The following CEP112 variants were observed in gnomAD, a reference collection of about 807,000 sequenced individuals.
CEP112 encodes the protein centrosomal protein 112.
Under a neutral mutation model 153.0 loss-of-function variants are expected in CEP112, and 127 were observed. The observed-to-expected ratio is 0.83, with a 90% confidence interval of 0.72 to 0.96. The LOEUF is 0.96. Among genes scored for constraint, CEP112 ranks in the 40% least tolerant of loss-of-function variants. The probability of loss-of-function intolerance (pLI) is 0.00; values close to 1 mark genes in which losing one functional copy is unlikely to be tolerated. For missense variants in CEP112, 1,089 were observed against 1,101.2 expected, an observed-to-expected ratio of 0.99 and a Z score of 0.16; for synonymous variants, 358 against 374.4, an observed-to-expected ratio of 0.96 and a Z score of 0.51.
chr17:66,028,282 T>C, intron 15 of CEP112, 31 bp downstream of exon 15: 1 of 1,316,894 alleles, frequency 7.6e-7, no homozygotes, highest in Non-Finnish European at 1.1e-6. Context: ...TGTTTGACCA[T>C]TGTTCTTCTG....
chr17:65,709,291 C>T (rs232154), intron 23 of CEP112, among the ~76,000 whole-genome samples: 58,822 of 152,050 alleles, frequency 0.39, 11,894 homozygotes, highest in Middle Eastern at 0.49. Flanking sequence ...ATATTTGTAT[C>T]AGTCTGGTTT....
At chr17:65,723,840 G>A (rs2050028645) in intron 23 of CEP112, among the ~76,000 whole-genome samples, 2 of 152,112 alleles carry the variant, frequency 1.3e-5, no homozygotes, top group African/African-American at 4.8e-5. Context: ...AAAAGCTCTC[G>A]AGTCTAATTT....
At chr17:65,752,452 A>T (rs2051939355) in intron 21 of CEP112, among the ~76,000 whole-genome samples, 2 of 152,184 alleles carry the variant, frequency 1.3e-5, no homozygotes, top group Admixed American at 1.3e-4. Flanking sequence ...TCTGATGGCC[A>T]GTATTTTCAG....
chr17:65,645,892 G>A (rs1287507811), intron 24 of CEP112, among the ~76,000 whole-genome samples: 1 of 152,196 alleles, frequency 6.6e-6, no homozygotes, highest in Non-Finnish European at 1.5e-5. Flanking sequence ...TGTGGTGGGG[G>A]CAGCTGGGGT....
chr17:65,859,218 C>A (rs1347913141), intron 20 of CEP112, among the ~76,000 whole-genome samples: 1 of 151,846 alleles, frequency 6.6e-6, no homozygotes, highest in Non-Finnish European at 1.5e-5. Context: ...CCGAGGCGGG[C>A]AGATCACGAA....
chr17:65,672,471 T>A (rs1285878754), intron 24 of CEP112, among the ~76,000 whole-genome samples: 1 of 152,214 alleles, frequency 6.6e-6, no homozygotes, highest in African/African-American at 2.4e-5. Flanking sequence ...TTTAAATTTT[T>A]AAAAAGATGA....
chr17:66,132,576 C>A, intron 5 of CEP112, 94 bp downstream of exon 5: 1 of 843,328 alleles, frequency 1.2e-6, no homozygotes, highest in Non-Finnish European at 2.0e-6. Context: ...TGTTTTGAAG[C>A]AATCATTGGT....
At chr17:65,970,263 T>C (rs897470553) in intron 17 of CEP112, among the ~76,000 whole-genome samples, 5 of 152,070 alleles carry the variant, frequency 3.3e-5, no homozygotes, top group African/African-American at 7.2e-5. Context: ...GTTGCACACA[T>C]ATTACATGCA....
intron 19 of CEP112, among the ~76,000 whole-genome samples, chr17:65,916,107 A>T (rs923115135): frequency 1.3e-5 from 2 of 152,176 alleles, no homozygotes; most frequent in East Asian, 3.9e-4. Context: ...CTTCACTAAC[A>T]ATCTTATCTA....
chr17:66,102,625 G>A (rs1009592057), intron 6 of CEP112, among the ~76,000 whole-genome samples: 6 of 151,030 alleles, frequency 4.0e-5, no homozygotes, highest in South Asian at 4.2e-4. Context: ...GTGAAACCCC[G>A]TCTCTACCAA....
At chr17:66,134,146 C>G (rs1370282336) in intron 4 of CEP112, among the ~76,000 whole-genome samples, 2 of 151,912 alleles carry the variant, frequency 1.3e-5, no homozygotes, top group Non-Finnish European at 1.5e-5. Context: ...ATAAAAAGAT[C>G]TATACTTAAA....
chr17:65,711,920 T>A (rs74599676), intron 23 of CEP112, among the ~76,000 whole-genome samples: 18 of 152,322 alleles, frequency 1.2e-4, no homozygotes, highest in African/African-American at 4.3e-4. Context: ...ATTACCAAAG[T>A]AGCATGTACT....
intron 20 of CEP112, among the ~76,000 whole-genome samples, chr17:65,879,736 G>T (rs1456816989): frequency 6.8e-6 from 1 of 146,088 alleles, no homozygotes. Flanking sequence ...CTCTGAAAAA[G>T]AAATAGGAAA....
chr17:65,671,648 T>C (rs1247286416), intron 24 of CEP112, among the ~76,000 whole-genome samples: 1 of 152,218 alleles, frequency 6.6e-6, no homozygotes, highest in Non-Finnish European at 1.5e-5. Context: ...TGTATGTACA[T>C]ATATAGTATG....
chr17:65,724,700 T>G (rs547768977), intron 23 of CEP112, among the ~76,000 whole-genome samples: 2 of 152,296 alleles, frequency 1.3e-5, no homozygotes, highest in African/African-American at 4.8e-5. Context: ...CATGTAAATA[T>G]AGGATCAGGC....
intron 19 of CEP112, among the ~76,000 whole-genome samples, chr17:65,916,289 G>GTGTGTGTGTGTGTGTGTA (rs777844271): frequency 1.6e-4 from 24 of 147,348 alleles, no homozygotes; most frequent in Non-Finnish European, 2.9e-4. Flanking sequence ...GTGTGTGTGT[G>GTGTGTGTGTGTGTGTGTA]TGTATGTGTG....
At chr17:66,172,877 A>AGC (rs1216410202) in intron 4 of CEP112, among the ~76,000 whole-genome samples, 2 of 152,184 alleles carry the variant, frequency 1.3e-5, no homozygotes, top group Non-Finnish European at 2.9e-5. Flanking sequence ...ATACTACCAG[A>AGC]TATAAGGATA....
At chr17:65,655,802 T>G (rs931283362) in intron 24 of CEP112, among the ~76,000 whole-genome samples, 8 of 152,084 alleles carry the variant, frequency 5.3e-5, no homozygotes, top group Non-Finnish European at 1.2e-4. Flanking sequence ...AATAAACACA[T>G]GTGAATATTA....
intron 21 of CEP112, among the ~76,000 whole-genome samples, chr17:65,830,736 A>G (rs1201308701): frequency 1.3e-5 from 2 of 152,172 alleles, no homozygotes; most frequent in African/African-American, 4.8e-5. Flanking sequence ...AAACAACTAA[A>G]AGGTTAAGAT....
Sources: allele counts gnomAD v4.1 joint callset (sites outside exome capture counted in the v4.1 genomes callset), GRCh38; gene constraint gnomAD v4.1.1; transcripts MANE v1.5; gene names NCBI Gene and HGNC (gene_info 2026-07-23, HGNC 2026-07-21).